The following LRRC4C variants were observed in gnomAD, a reference collection of about 807,000 sequenced individuals.
LRRC4C encodes the protein leucine-rich repeat-containing protein 4C.
LRRC4C carries 5 observed loss-of-function variants against 33.6 expected under a neutral mutation model. The observed-to-expected ratio is 0.15, with a 90% CI of 0.08 to 0.31. The LOEUF (loss-of-function observed/expected upper bound fraction) is 0.31. Ranked by LOEUF, LRRC4C falls within the 10% of genes least tolerant of loss-of-function variation. The pLI is 1.00. For missense variants in LRRC4C, 560 were observed against 796.7 expected, an observed-to-expected ratio of 0.70 and a Z score of 3.58; for synonymous variants, 329 against 302.0, an observed-to-expected ratio of 1.09 and a Z score of -0.93.
At chr11:41,091,530 T>G (rs1297496032) in intron 1 of LRRC4C, among the ~76,000 whole-genome samples, 1 of 152,066 alleles carries the variant, frequency 6.6e-6, no homozygotes, top group Non-Finnish European at 1.5e-5. Flanking sequence ...GGTAAATGTC[T>G]TAGGGACATT....
intron 1 of LRRC4C, among the ~76,000 whole-genome samples, chr11:40,975,925 A>T (rs1451480476): frequency 2.0e-5 from 3 of 152,196 alleles, no homozygotes; most frequent in South Asian, 4.1e-4. Context: ...TACTTCCACT[A>T]GACCTTTGTA....
chr11:41,230,445 C>T (rs924565923), intron 1 of LRRC4C, among the ~76,000 whole-genome samples: 1 of 152,052 alleles, frequency 6.6e-6, no homozygotes, highest in African/African-American at 2.4e-5. Flanking sequence ...ACTTTCTCAG[C>T]CTCCTTTACC....
chr11:41,162,098 G>A (rs1325774441), intron 1 of LRRC4C, among the ~76,000 whole-genome samples: 1 of 152,030 alleles, frequency 6.6e-6, no homozygotes, highest in Non-Finnish European at 1.5e-5. Context: ...GCTAAATTTG[G>A]AAGAAATACA....
chr11:40,944,348 T>C (rs1025013426), intron 1 of LRRC4C, among the ~76,000 whole-genome samples: 1 of 152,206 alleles, frequency 6.6e-6, no homozygotes, highest in African/African-American at 2.4e-5. Context: ...TGAATAATTT[T>C]TCTGACCTCT....
chr11:40,459,358 G>T (rs1952282156), intron 3 of LRRC4C, among the ~76,000 whole-genome samples: 1 of 152,232 alleles, frequency 6.6e-6, no homozygotes, highest in Middle Eastern at 3.4e-3. Context: ...CTTCCCATTT[G>T]CCAGAGCAGT....
chr11:40,610,524 G>A (rs1961104963), intron 3 of LRRC4C, among the ~76,000 whole-genome samples: 1 of 151,272 alleles, frequency 6.6e-6, no homozygotes, highest in African/African-American at 2.4e-5. Context: ...GTTCTAGCTA[G>A]AGTAATTAGG....
At chr11:41,137,289 C>T (rs906880650) in intron 1 of LRRC4C, among the ~76,000 whole-genome samples, 1 of 152,104 alleles carries the variant, frequency 6.6e-6, no homozygotes, top group South Asian at 2.1e-4. Context: ...GAATCAGGCA[C>T]AAACACATTC....
At chr11:41,299,917 T>C (rs532270869) in intron 1 of LRRC4C, among the ~76,000 whole-genome samples, 53 of 152,128 alleles carry the variant, frequency 3.5e-4, no homozygotes, top group Non-Finnish European at 6.3e-4. Context: ...TTGATATATA[T>C]AGGAAAGCAC....
chr11:40,387,279 T>C (rs954976532), intron 3 of LRRC4C, among the ~76,000 whole-genome samples: 12 of 152,196 alleles, frequency 7.9e-5, no homozygotes, highest in Admixed American at 4.6e-4. Flanking sequence ...TTGAATGGGT[T>C]ACCACTCCCA....
At chr11:40,544,831 A>G (rs576734361) in intron 3 of LRRC4C, among the ~76,000 whole-genome samples, 2 of 151,900 alleles carry the variant, frequency 1.3e-5, no homozygotes, top group South Asian at 4.1e-4. Flanking sequence ...TTTTTCCATT[A>G]TTGTCCTTTA....
In LRRC4C at chr11:40,969,282, A is replaced by C. The variant is rs201151935; in HGVS notation, c.-495-35559T>G. 7.0e-5 allele frequency among the ~76,000 whole-genome samples: 8 copies of C among 114,388 alleles called. No individual in the cohort carries two copies. In the East Asian group the frequency reaches 2.2e-3, roughly 32 times the overall value. 75.0% of individuals were successfully genotyped at this position (114,388 alleles called of 152,430 possible). On this transcript the variant is annotated intron_variant, in intron 1 of 6. Coordinates refer to ENST00000528697, the MANE Select transcript of LRRC4C (RefSeq NM_001258419.2). ...TTGAATGGTTAGGGAGTTGTTTCTT[A>C]TGGATAAATAAATAAAGTGGTTTCT...
chr11:41,099,821 T>C (rs868739978), intron 1 of LRRC4C, among the ~76,000 whole-genome samples: 1 of 152,046 alleles, frequency 6.6e-6, no homozygotes, highest in Admixed American at 6.6e-5. Context: ...CTACATAGTA[T>C]TGGAATTTCT....
intron 1 of LRRC4C, among the ~76,000 whole-genome samples, chr11:41,349,457 A>G (rs200217965): frequency 1.3e-5 from 2 of 150,880 alleles, no homozygotes; most frequent in Non-Finnish European, 2.9e-5. Flanking sequence ...GCTGGAGGAA[A>G]AAAACAAAAC....
At chr11:40,131,693 T>C (rs1488956561) in intron 6 of LRRC4C, among the ~76,000 whole-genome samples, 1 of 152,198 alleles carries the variant, frequency 6.6e-6, no homozygotes, top group African/African-American at 2.4e-5. Context: ...TGAGTTAATA[T>C]AGAAAGCTTT....
At chr11:41,078,080 C>A (rs1038720617) in intron 1 of LRRC4C, among the ~76,000 whole-genome samples, 10 of 152,196 alleles carry the variant, frequency 6.6e-5, no homozygotes, top group Non-Finnish European at 1.2e-4. Context: ...CCAATAATTT[C>A]CTCATCTCCA....
rs1948988288 is a variant in LRRC4C, at chr11:40,383,755, G to A, written c.-269-64034C>T. Among the ~76,000 whole-genome samples the A allele has an allele frequency of 2.0e-5, 3 of 151,572 alleles. No individual in the cohort carries two copies. The South Asian group carries it at 6.3e-4, about 32-fold the overall frequency. ...CCCAGGGTGCAGTGACACTATCATG[G>A]CTCACTGCAGCCTTAAATTCCTGGG... On this transcript the variant is annotated intron_variant, in intron 3 of 6. Transcript: ENST00000528697.
chr11:40,166,388 C>A (rs1348766482), intron 5 of LRRC4C, among the ~76,000 whole-genome samples: 1 of 151,776 alleles, frequency 6.6e-6, no homozygotes, highest in African/African-American at 2.4e-5. Flanking sequence ...GTATATGAAC[C>A]AGCAAACATG....
chr11:40,709,521 T>G (rs1946353994), intron 2 of LRRC4C, among the ~76,000 whole-genome samples: 1 of 152,186 alleles, frequency 6.6e-6, no homozygotes, highest in African/African-American at 2.4e-5. Flanking sequence ...TTAAGAATGT[T>G]GAATATTGAC....
intron 1 of LRRC4C, among the ~76,000 whole-genome samples, chr11:41,192,465 AC>A (rs1946000967): frequency 6.6e-6 from 1 of 152,022 alleles, no homozygotes; most frequent in Admixed American, 6.6e-5. Context: ...ACACACATAC[AC>A]ATATATAATT....
Sources: allele counts gnomAD v4.1 joint callset (sites outside exome capture counted in the v4.1 genomes callset), GRCh38; gene constraint gnomAD v4.1.1; transcripts MANE v1.5; gene names NCBI Gene and HGNC (gene_info 2026-07-23, HGNC 2026-07-21).